The following USP15 variants were observed in gnomAD, a reference collection of about 807,000 sequenced individuals.
The protein encoded by USP15 is ubiquitin specific peptidase 15, also known as ubiquitin carboxyl-terminal hydrolase 15.
Under a neutral mutation model 127.1 loss-of-function variants are expected in USP15, and 18 were observed. The observed-to-expected ratio is 0.14, with a 90% confidence interval of 0.10 to 0.21. USP15 has a LOEUF of 0.21. Among genes scored for constraint, USP15 ranks in the 10% least tolerant of loss-of-function variants. The pLI is 1.00. For missense variants in USP15, 805 were observed against 1,159.9 expected (o/e 0.69, Z 4.44); for synonymous variants, 364 against 393.7 (o/e 0.92, Z 0.89).
intron 1 of USP15, among the ~76,000 whole-genome samples, chr12:62,280,355 G>A (rs1457772770): frequency 1.3e-5 from 2 of 152,166 alleles, no homozygotes; most frequent in African/African-American, 4.8e-5. Flanking sequence ...TGTTAACTAT[G>A]TGTCTTAGCC....
Position 62,335,118 on chromosome 12 carries a change from C to T in USP15, c.683+9185C>T. 3.9e-6 allele frequency: 6 copies of T among 1,521,478 alleles called. No individual in the cohort carries two copies. The South Asian group carries it at 4.8e-5, about 12-fold the overall frequency. The allele number at this position is 1,521,478 out of a possible 1,614,324, so 94.2% of individuals were successfully genotyped here. On this transcript the variant is annotated intron_variant, in intron 6 of 21. Coordinates refer to ENST00000280377, the MANE Select transcript of USP15 (RefSeq NM_001252078.2). Reference sequence around the variant, plus strand: ...TAATTCTAGGTAAGTGGTTTGATGTCTAGTTAATGTATGATATTCTTAGCA... The same window carrying T: ...TAATTCTAGGTAAGTGGTTTGATGTTTAGTTAATGTATGATATTCTTAGCA...
intron 6 of USP15, among the ~76,000 whole-genome samples, chr12:62,339,642 T>G (rs1233645662): frequency 6.6e-6 from 1 of 152,224 alleles, no homozygotes; most frequent in Non-Finnish European, 1.5e-5. Context: ...ATTGAGTTAC[T>G]TATGTGGTTT....
intron 6 of USP15, chr12:62,336,404 G>T (rs1409825106): frequency 2.0e-6 from 2 of 985,270 alleles, no homozygotes; most frequent in Admixed American, 6.2e-5. Context: ...GCCATCCTGA[G>T]TTCCTCCTCC....
At chr12:62,303,881 C>A (rs2064398302) in intron 3 of USP15, among the ~76,000 whole-genome samples, 1 of 151,550 alleles carries the variant, frequency 6.6e-6, no homozygotes, top group Non-Finnish European at 1.5e-5. Context: ...ATTAGAATTT[C>A]TCTGTTGTAG....
intron 3 of USP15, among the ~76,000 whole-genome samples, chr12:62,306,277 A>G (rs2064481595): frequency 6.6e-6 from 1 of 152,154 alleles, no homozygotes; most frequent in Admixed American, 6.6e-5. Flanking sequence ...ATAGATAACT[A>G]ATACTAATCA....
intron 1 of USP15, among the ~76,000 whole-genome samples, chr12:62,265,048 C>T (rs1438294147): frequency 2.0e-5 from 3 of 152,046 alleles, no homozygotes; most frequent in African/African-American, 4.8e-5. Flanking sequence ...TTAATTTAAG[C>T]CTTTTTCGTA....
chr12:62,392,073 G>A (rs1303665822), intron 17 of USP15, among the ~76,000 whole-genome samples, 187 bp downstream of exon 17: 2 of 151,798 alleles, frequency 1.3e-5, no homozygotes, highest in Admixed American at 1.3e-4. Flanking sequence ...AAGGTTCAGA[G>A]TTCATTTTGA....
At chr12:62,392,935 A>T (rs1229291868) in intron 18 of USP15, 118 bp from the exon 19 acceptor site, 1 of 1,095,056 alleles carries the variant, frequency 9.1e-7, no homozygotes, top group South Asian at 1.5e-5. Flanking sequence ...CATATTAGGC[A>T]TACTATAATT....
At chr12:62,289,560 T>C (rs2063892667) in intron 1 of USP15, among the ~76,000 whole-genome samples, 1 of 152,152 alleles carries the variant, frequency 6.6e-6, no homozygotes, top group Admixed American at 6.5e-5. Flanking sequence ...AACTTTTCAT[T>C]TCATTGATCT....
chr12:62,270,814 G>A (rs1175561738), intron 1 of USP15, among the ~76,000 whole-genome samples: 1 of 151,954 alleles, frequency 6.6e-6, no homozygotes. Context: ...TCTCTTATTA[G>A]TTTACACTAT....
chr12:62,269,368 G>A (rs527714902), intron 1 of USP15, among the ~76,000 whole-genome samples: 31 of 151,250 alleles, frequency 2.0e-4, no homozygotes, highest in Non-Finnish European at 3.8e-4. Context: ...GTGTGTGTGT[G>A]TATATATATA....
In USP15 at chr12:62,357,486, A is replaced by T. The variant is rs543931984; in HGVS notation, c.915+2011A>T. On this transcript the variant is annotated intron_variant, in intron 8 of 21. Transcript: ENST00000280377. ...ATTGCAGACACTCCTAATATATTTT[A>T]CCATCACGTATTCCATTTCATCTGA... 2.0e-5 allele frequency among the ~76,000 whole-genome samples: 3 copies of T among 152,124 alleles called. No homozygotes were observed. In the South Asian group the frequency reaches 6.2e-4, roughly 32 times the overall value.
At chr12:62,321,759 C>G in intron 5 of USP15, 150 bp downstream of exon 5, 1 of 543,390 alleles carries the variant, frequency 1.8e-6, no homozygotes, top group Non-Finnish European at 2.8e-6. Context: ...TGGTTACTGA[C>G]TCTGACTTTT....
chr12:62,359,291 C>G (rs759379359), intron 8 of USP15, among the ~76,000 whole-genome samples: 3 of 148,884 alleles, frequency 2.0e-5, no homozygotes, highest in Non-Finnish European at 4.5e-5. Flanking sequence ...AGATTAAGAT[C>G]ACAGTTTATG....
In USP15 at chr12:62,410,735, G is replaced by C. The variant is rs1460464964; in HGVS notation, c.*6360G>C. ...GGTCTCTTGAAAGTATTAGTTTATG[G>C]GTGTGGAGAGGAAGGCTTAAATTTC... On this transcript the variant is annotated 3_prime_UTR_variant, in exon 22 of 22. Transcript: ENST00000280377. 6.6e-6 allele frequency: 1 copy of C among 152,062 alleles called. No individual in the cohort carries two copies. Among genetic ancestry groups the C allele is most frequent in the Non-Finnish European group, 1.5e-5 (1 of 68,016 alleles). 9.4% of individuals were successfully genotyped at this position (152,062 alleles called of 1,614,324 possible).
chr12:62,262,869 T>C (rs1050051602), intron 1 of USP15, among the ~76,000 whole-genome samples: 6 of 152,160 alleles, frequency 3.9e-5, no homozygotes, highest in Non-Finnish European at 7.4e-5. Context: ...GGGCCACATA[T>C]TTAGATAAAA....
chr12:62,303,852 TTCAC>T (rs2064397156), intron 3 of USP15, among the ~76,000 whole-genome samples: 1 of 152,176 alleles, frequency 6.6e-6, no homozygotes, highest in Non-Finnish European at 1.5e-5. Context: ...ATTCCTTAGT[TTCAC>T]TCAGCCACTT....
At chr12:62,331,765 A>G (rs1300454191) in intron 6 of USP15, among the ~76,000 whole-genome samples, 2 of 152,142 alleles carry the variant, frequency 1.3e-5, no homozygotes, top group East Asian at 1.9e-4. Flanking sequence ...TAAAACATGT[A>G]GTCATTTAGT....
intron 6 of USP15, among the ~76,000 whole-genome samples, chr12:62,339,499 C>T (rs1043466236): frequency 3.3e-5 from 5 of 152,066 alleles, no homozygotes; most frequent in Admixed American, 6.6e-5. Context: ...AGCTTTTGCC[C>T]ATTCAATATG....
Sources: gnomAD v4.1 joint callset for allele counts (sites outside exome capture counted in the v4.1 genomes callset) on GRCh38, gnomAD v4.1.1 for gene constraint, MANE v1.5 for transcripts, NCBI Gene and HGNC (gene_info 2026-07-23, HGNC 2026-07-21) for gene names.